Variants in TENT4B observed in about 807,000 individuals in gnomAD.
TENT4B encodes PAP associated domain containing 5.
Under a neutral mutation model 75.0 loss-of-function variants are expected in TENT4B, and 10 were observed. The observed-to-expected ratio is 0.13, with a 90% CI of 0.08 to 0.23. TENT4B has a LOEUF of 0.23. Ranked by LOEUF, TENT4B falls within the 10% of genes least tolerant of loss-of-function variation. The pLI is 1.00. For synonymous variants in TENT4B, 350 were observed against 357.7 expected (o/e 0.98, Z 0.24); for missense variants, 579 against 893.8 (o/e 0.65, Z 4.49).
chr16:50,166,095 T>G lies in TENT4B; in HGVS notation c.638+11836T>G, dbSNP rs988295243. Among the ~76,000 whole-genome samples, 198 of 151,550 alleles carry G rather than the reference T, an allele frequency of 1.3e-3. 1 individual carries two copies. In the Middle Eastern group the frequency reaches 0.027, roughly 21 times the overall value. ...CTTGACAGCACTTTTTTTTTTTTTT[T>G]TTTTTGAGGTGAAGTCTTGCTTTAT... On this transcript the variant is annotated intron_variant, in intron 1 of 11. Coordinates refer to ENST00000561678, the MANE Select transcript of TENT4B (RefSeq NM_001365324.3).
intron 5 of TENT4B, among the ~76,000 whole-genome samples, chr16:50,220,847 T>A (rs2031794011): frequency 6.6e-6 from 1 of 152,222 alleles, no homozygotes; most frequent in Non-Finnish European, 1.5e-5. Flanking sequence ...TTAAAAATAC[T>A]TATTTCTCCA....
intron 1 of TENT4B, among the ~76,000 whole-genome samples, chr16:50,194,419 T>C (rs906344811): frequency 1.2e-4 from 18 of 152,116 alleles, no homozygotes; most frequent in African/African-American, 4.1e-4. Context: ...TTCATCACGT[T>C]GGCCAGGCTG....
chr16:50,165,732 C>G (rs2038087941), intron 1 of TENT4B, among the ~76,000 whole-genome samples: 1 of 152,162 alleles, frequency 6.6e-6, no homozygotes, highest in African/African-American at 2.4e-5. Context: ...CAAAGGTTAT[C>G]TGTGTCGTAG....
chr16:50,153,394 G>A lies in TENT4B; in HGVS notation c.-228G>A, dbSNP rs920528872. Among the ~76,000 whole-genome samples the A allele has an allele frequency of 6.8e-6, 1 of 146,116 alleles. No homozygotes were observed. On this transcript the variant is annotated 5_prime_UTR_variant, in exon 1 of 12. Coordinates refer to ENST00000561678, the MANE Select transcript of TENT4B (RefSeq NM_001365324.3). ...GCGGAGGGGCGGAGGGGCGGAGGGA[G>A]GGGGGGAGGGCCCGCGGAGCCCCCG...
intron 2 of TENT4B, among the ~76,000 whole-genome samples, chr16:50,213,092 C>T (rs1357893274): frequency 6.6e-6 from 1 of 152,012 alleles, no homozygotes; most frequent in Non-Finnish European, 1.5e-5. Context: ...TGGAGTCTCG[C>T]TCTGTCGCCC....
chr16:50,228,062 C>A, intron 11 of TENT4B, 59 bp downstream of exon 11: 1 of 1,549,142 alleles, frequency 6.5e-7, no homozygotes, highest in South Asian at 1.2e-5. Context: ...TAGAATTTCC[C>A]ACATGTAAAT....
At chr16:50,208,405 G>A (rs1483041210) in intron 1 of TENT4B, among the ~76,000 whole-genome samples, 1 of 152,108 alleles carries the variant, frequency 6.6e-6, no homozygotes, top group Non-Finnish European at 1.5e-5. Flanking sequence ...TTTTTACCAA[G>A]CTCAGAAAGC....
rs1567469325 is a variant in TENT4B at position 50,153,841 on chromosome 16, T to TCGGACC, written c.223_224insACCCGG (p.Ser74_Ala75insAspPro). The TCGGACC allele has an allele frequency of 7.9e-7, 1 of 1,273,166 alleles. No homozygotes were observed. The highest frequency in any genetic ancestry group is 1.6e-5 in the African/African-American group (1 of 63,824). The allele number at this position is 1,273,166 out of a possible 1,614,324, so 78.9% of individuals were successfully genotyped here. A position where few individuals can be genotyped will look rare whatever the true frequency, so the allele number is the denominator to read the frequency against. ...CACCGGCAGCCCCGGCGGCGCGGCCTCGGCCCCGGCCCCGGCCCCGGCCGG... is the reference window on the plus strand; with the variant it reads ...CACCGGCAGCCCCGGCGGCGCGGCCTCGGACCCGGCCCCGGCCCCGGCCCCGGCCGG... On this transcript the variant is annotated inframe_insertion, in exon 1 of 12. Transcript: ENST00000561678.
At chr16:50,214,398 G>C (rs758355203) in intron 3 of TENT4B, 131 bp downstream of exon 3, 7 of 676,746 alleles carry the variant, frequency 1.0e-5, no homozygotes, top group Non-Finnish European at 1.7e-5. Flanking sequence ...GCTCATGCCT[G>C]TAATCCTAGC....
rs2037839741 is a variant in TENT4B, at chr16:50,154,093, A to G, written c.472A>G (p.Ser158Gly). Reference sequence around the variant, plus strand: ...TCCAGCCGATTCGGCCTCGGGCAGCAGCAACAAGAGGAAGCGCGACAACAA... The same window carrying G: ...TCCAGCCGATTCGGCCTCGGGCAGCGGCAACAAGAGGAAGCGCGACAACAA... ...ADPADSASGS[S>G]NKRKRDNKAS... is the part of the protein sequence containing the mutation. Residue 158 changes from serine to glycine, a missense_variant, in exon 1 of 12, where the codon AGC becomes GGC. Around this residue, in one of 7 missense-constraint regions of TENT4B, gnomAD observed 253 missense variants for 270.1 expected, o/e 0.94. Transcript: ENST00000561678. 4 of 1,528,814 alleles carry G rather than the reference A, an allele frequency of 2.6e-6. No individual in the cohort carries two copies. The highest frequency in any genetic ancestry group is 1.4e-5 in the African/African-American group (1 of 72,404). 94.7% of individuals were successfully genotyped at this position (1,528,814 alleles called of 1,614,324 possible).
At position 50,230,120 on chromosome 16, in the gene TENT4B, TA is replaced by T. The variant is rs577496155; in HGVS notation, c.*805del. On this transcript the variant is annotated 3_prime_UTR_variant, in exon 12 of 12. Transcript: ENST00000561678. ...GGCAAATGATGTTTATTTTATTTTG[TA>T]AAAAAAAAAAAATGTACTATGTACT... The T allele has an allele frequency of 0.14, 75,521 of 531,698 alleles. No homozygotes were observed. Among genetic ancestry groups the T allele is most frequent in the Non-Finnish European group, 0.16 (68,818 of 420,012 alleles). The allele number at this position is 531,698 out of a possible 1,614,324, so 32.9% of individuals were successfully genotyped here.
At chr16:50,214,709 C>G (rs1325448785) in intron 3 of TENT4B, among the ~76,000 whole-genome samples, 1 of 152,074 alleles carries the variant, frequency 6.6e-6, no homozygotes, top group Non-Finnish European at 1.5e-5. Context: ...ATTTGATTTA[C>G]CTTGAAGTAG....
intron 5 of TENT4B, among the ~76,000 whole-genome samples, chr16:50,220,248 G>A (rs576395017): frequency 2.6e-5 from 4 of 151,796 alleles, no homozygotes; most frequent in African/African-American, 4.8e-5. Context: ...TCAGCCTCCC[G>A]CAGTGCTGGG....
chr16:50,163,380 A>G (rs77223780), intron 1 of TENT4B, among the ~76,000 whole-genome samples: 2,343 of 151,920 alleles, frequency 0.015, 68 homozygotes, highest in African/African-American at 0.054. Flanking sequence ...AAAGGAAGAA[A>G]AATAACCCCT....
At position 50,230,496 on chromosome 16, in the gene TENT4B, C is replaced by T. The variant is rs1166158169; in HGVS notation, c.*1168C>T. 3 of 980,132 alleles carry T rather than the reference C, an allele frequency of 3.1e-6. No homozygotes were observed. In the African/African-American group the frequency reaches 5.3e-5, roughly 17 times the overall value. 60.7% of individuals were successfully genotyped at this position (980,132 alleles called of 1,614,324 possible). A position where few individuals can be genotyped will look rare whatever the true frequency, so the allele number is the denominator to read the frequency against. On this transcript the variant is annotated 3_prime_UTR_variant, in exon 12 of 12. Coordinates refer to ENST00000561678, the MANE Select transcript of TENT4B (RefSeq NM_001365324.3). Reference sequence around the variant, plus strand: ...TGTAAACAGCTTTAATTAAATCATACTTATAAAAAACTATTTTCTTATATT... The same window carrying T: ...TGTAAACAGCTTTAATTAAATCATATTTATAAAAAACTATTTTCTTATATT...
chr16:50,234,676 A>G lies in TENT4B; in HGVS notation c.*5348A>G, dbSNP rs2032393871. On this transcript the variant is annotated 3_prime_UTR_variant, in exon 12 of 12. Transcript: ENST00000561678. ...TGAAAGTCCTACAATCCTAAAATAAATCACAAGCTTGTTTGTTAGACGTGT... is the reference window on the plus strand; with the variant it reads ...TGAAAGTCCTACAATCCTAAAATAAGTCACAAGCTTGTTTGTTAGACGTGT... 1.0e-6 allele frequency: 1 copy of G among 985,352 alleles called. No homozygotes were observed. Among genetic ancestry groups the G allele is most frequent in the Non-Finnish European group, 1.2e-6 (1 of 829,954 alleles). The allele number at this position is 985,352 out of a possible 1,614,324, so 61.0% of individuals were successfully genotyped here.
At chr16:50,227,483 C>T (rs571119848) in intron 10 of TENT4B, among the ~76,000 whole-genome samples, 1 of 151,926 alleles carries the variant, frequency 6.6e-6, no homozygotes, top group African/African-American at 2.4e-5. Context: ...CCCCTTAAAC[C>T]CATCATCTTG....
chr16:50,189,228 TACC>T (rs902855602), intron 1 of TENT4B, among the ~76,000 whole-genome samples: 1 of 152,214 alleles, frequency 6.6e-6, no homozygotes, highest in Non-Finnish European at 1.5e-5. Flanking sequence ...AGTTGGCTTT[TACC>T]ACATTAGTTT....
intron 2 of TENT4B, among the ~76,000 whole-genome samples, chr16:50,212,231 ATTT>A (rs1449475325): frequency 1.3e-5 from 2 of 151,608 alleles, no homozygotes. Context: ...TAATTTTTGT[ATTT>A]TTTTGTAGAG....
Sources: gnomAD v4.1 joint callset for allele counts (sites outside exome capture counted in the v4.1 genomes callset) on GRCh38, gnomAD v4.1.1 for gene constraint, gnomAD v4.1.1 regional missense constraint, MANE v1.5 for transcripts, NCBI Gene and HGNC (gene_info 2026-07-23, HGNC 2026-07-21) for gene names.